Variants in ZNF573 observed in about 807,000 individuals in gnomAD.
The protein encoded by ZNF573 is zinc finger protein 573.
Under a neutral mutation model 57.4 loss-of-function variants are expected in ZNF573, and 41 were observed. The ratio of observed to expected loss-of-function variants is 0.71; its 90% CI spans 0.56 to 0.93. The LOEUF (loss-of-function observed/expected upper bound fraction) is 0.93, where lower values mean the gene tolerates loss of function less well. Ranked by LOEUF, ZNF573 falls within the 40% of genes least tolerant of loss-of-function variation. The pLI, the probability that ZNF573 is intolerant of heterozygous loss-of-function variation, is 0.00. For missense variants in ZNF573, 730 were observed against 794.8 expected (o/e 0.92, Z 0.98); for synonymous variants, 249 against 261.0 (o/e 0.95, Z 0.44).
rs560017026 is a variant in ZNF573 at position 37,745,460 on chromosome 19, C to T, written c.296-5266G>A. 3.5e-4 allele frequency among the ~76,000 whole-genome samples: 53 copies of T among 152,054 alleles called. No homozygotes were observed. The South Asian group carries it at 6.6e-3, about 19-fold the overall frequency. On this transcript the variant is annotated intron_variant, in intron 4 of 4. Coordinates refer to ENST00000536220, the MANE Select transcript of ZNF573 (RefSeq NM_001172690.2). ...TTGCCCAGGCTGGAGTGCAGTGACACGATCTCAGCTCTGCAACCTCTGCCT... is the reference window on the plus strand; with the variant it reads ...TTGCCCAGGCTGGAGTGCAGTGACATGATCTCAGCTCTGCAACCTCTGCCT...
chr19:37,751,960 G>GTA (rs1031856759), intron 4 of ZNF573, among the ~76,000 whole-genome samples: 1 of 125,596 alleles, frequency 8.0e-6, no homozygotes, highest in East Asian at 2.1e-4. Context: ...ACATAGTATC[G>GTA]TATATATACT....
At chr19:37,770,297 C>A in intron 3 of ZNF573, 200 bp from the exon 4 acceptor site, 1 of 451,094 alleles carries the variant, frequency 2.2e-6, no homozygotes, top group Non-Finnish European at 3.9e-6. Flanking sequence ...AAAGTTTAAC[C>A]TGTGACCTTA....
rs1328637526 is a variant in ZNF573, at chr19:37,766,376, C to T, written c.295+3629G>A. 3.3e-5 allele frequency among the ~76,000 whole-genome samples: 5 copies of T among 152,206 alleles called. No individual in the cohort carries two copies. In the East Asian group the frequency reaches 9.6e-4, roughly 29 times the overall value. On this transcript the variant is annotated intron_variant, in intron 4 of 4. Transcript: ENST00000536220. ...TAGCTTACTCTCTCCATAAACACAT[C>T]CCACTGTTTTCCTCAGCACAATTTT...
chr19:37,754,117 G>A (rs2045464567), intron 4 of ZNF573, among the ~76,000 whole-genome samples: 1 of 152,134 alleles, frequency 6.6e-6, no homozygotes, highest in African/African-American at 2.4e-5. Context: ...GTCTAAAGAA[G>A]TAATTCATGT....
intron 4 of ZNF573, among the ~76,000 whole-genome samples, chr19:37,748,926 C>CAA (rs35400830): frequency 2.3e-3 from 164 of 70,404 alleles, no homozygotes; most frequent in East Asian, 4.3e-3. Flanking sequence ...GACTTGGTCT[C>CAA]AAAAAAAAAA....
intron 4 of ZNF573, among the ~76,000 whole-genome samples, chr19:37,757,109 C>T (rs970585730): frequency 6.6e-6 from 1 of 152,000 alleles, no homozygotes; most frequent in Admixed American, 6.6e-5. Flanking sequence ...AACACAATCC[C>T]CTCTTAAGGC....
chr19:37,748,381 A>C (rs1200577457), intron 4 of ZNF573, among the ~76,000 whole-genome samples: 1 of 152,210 alleles, frequency 6.6e-6, no homozygotes, highest in Admixed American at 6.5e-5. Flanking sequence ...AATTATTCTA[A>C]AGTTAAAAAG....
Position 37,739,833 on chromosome 19 carries a change from T to A in ZNF573, c.657A>T (p.Glu219Asp), listed in dbSNP as rs1474220087. ...TAAAGGCCTTCCCACACTGCCTACA[T>A]TCATAGGTTTTCTCACCAGTATGAA... ...QRFHTGEKTY[E>D]CRQCGKAFIY... Residue 219 changes from glutamate to aspartate, a missense_variant, in exon 5 of 5, where the codon GAA becomes GAT. By Grantham distance (45) the Glu-to-Asp change is conservative. Transcript: ENST00000536220. The A allele has an allele frequency of 6.2e-7, 1 of 1,613,946 alleles. No individual in the cohort carries two copies. The highest frequency in any genetic ancestry group is 1.3e-5 in the African/African-American group (1 of 74,916).
chr19:37,756,987 A>G (rs2045494167), intron 4 of ZNF573, among the ~76,000 whole-genome samples: 1 of 151,820 alleles, frequency 6.6e-6, no homozygotes, highest in South Asian at 2.1e-4. Flanking sequence ...CACAATGATA[A>G]CCTCAAACAG....
chr19:37,758,203 ATATATATATATATATATATATATATAT>A (rs1194029452), intron 4 of ZNF573, among the ~76,000 whole-genome samples: 3,937 of 51,956 alleles, frequency 0.076, 738 homozygotes, highest in Non-Finnish European at 0.095. Context: ...GTATAATAAA[ATATATATATATATATATATATATATAT>A]ATATATATAT....
rs375026878 is a variant in ZNF573, at chr19:37,739,233, G to T, written c.1257C>A (p.Cys419Ter). The change falls in exon 5 of 5, where the codon TGC (cysteine) becomes TGA (stop). Residue 419 changes from cysteine (C) to a stop codon, truncating the protein, a stop_gained. Coordinates refer to ENST00000536220, the MANE Select transcript of ZNF573 (RefSeq NM_001172690.2). LOFTEE classifies it high-confidence loss of function. ...AGCCATACAAGCTAAAGGCCTTTCCGCATTCCTTGCATTCATAGGGTTTCT... is the reference window on the plus strand; with the variant it reads ...AGCCATACAAGCTAAAGGCCTTTCCTCATTCCTTGCATTCATAGGGTTTCT... ...TGEKPYECKE[C>*]GKAFSLYGYL... 1.7e-5 allele frequency: 28 copies of T among 1,612,858 alleles called. No homozygotes were observed. Among genetic ancestry groups the T allele is most frequent in the Non-Finnish European group, 2.4e-5 (28 of 1,179,786 alleles).
chr19:37,759,048 T>C, intron 4 of ZNF573: 2 of 543,402 alleles, frequency 3.7e-6, no homozygotes, highest in Non-Finnish European at 4.7e-6. Flanking sequence ...GGCTCACACC[T>C]GTATTTTCAG....
At chr19:37,763,796 G>A (rs1480524348) in intron 4 of ZNF573, among the ~76,000 whole-genome samples, 3 of 152,064 alleles carry the variant, frequency 2.0e-5, no homozygotes, top group Non-Finnish European at 4.4e-5. Flanking sequence ...GGGCATGGTG[G>A]CTCATGCCTG....
chr19:37,745,500 A>C (rs2045373341), intron 4 of ZNF573, among the ~76,000 whole-genome samples: 1 of 152,030 alleles, frequency 6.6e-6, no homozygotes, highest in African/African-American at 2.4e-5. Context: ...GGTTCAACGG[A>C]TTCTACTGCC....
chr19:37,757,255 C>T (rs548488060), intron 4 of ZNF573, among the ~76,000 whole-genome samples: 1 of 152,068 alleles, frequency 6.6e-6, no homozygotes, highest in South Asian at 2.1e-4. Context: ...AGAGTACAGT[C>T]GCATGATCTT....
rs368588661 is a variant in ZNF573, at chr19:37,745,699, T to C, written c.296-5505A>G. ...GCGTGAGCCACCACACTTGGCAAGA[T>C]TGTAATGTTTTGAAAGCAGTTTTAA... On this transcript the variant is annotated intron_variant, in intron 4 of 4. Transcript: ENST00000536220. Among the ~76,000 whole-genome samples the C allele has an allele frequency of 2.0e-5, 3 of 152,296 alleles. No homozygotes were observed. In the South Asian group the frequency reaches 6.2e-4, roughly 32 times the overall value.
At chr19:37,742,623 T>C (rs1221030764) in intron 4 of ZNF573, among the ~76,000 whole-genome samples, 1 of 152,168 alleles carries the variant, frequency 6.6e-6, no homozygotes, top group Admixed American at 6.5e-5. Flanking sequence ...TGGGTAGCCA[T>C]ATGCAGAAAA....
At chr19:37,747,115 T>A (rs935756476) in intron 4 of ZNF573, among the ~76,000 whole-genome samples, 4 of 150,570 alleles carry the variant, frequency 2.7e-5, no homozygotes, top group African/African-American at 4.9e-5. Context: ...AGTAATGTAA[T>A]ATTTGATTCT....
chr19:37,768,661 T>TTTTA (rs1009324684), intron 4 of ZNF573, among the ~76,000 whole-genome samples: 106 of 152,206 alleles, frequency 7.0e-4, no homozygotes, highest in African/African-American at 2.4e-3. Context: ...GCTTATTTTA[T>TTTTA]TTTATTTATT....
Sources: gnomAD v4.1 joint callset for allele counts (sites outside exome capture counted in the v4.1 genomes callset) on GRCh38, gnomAD v4.1.1 for gene constraint, MANE v1.5 for transcripts, NCBI Gene and HGNC (gene_info 2026-07-23, HGNC 2026-07-21) for gene names.